The following SERPIND1 variants were observed in gnomAD, a reference collection of about 807,000 sequenced individuals.
The protein encoded by SERPIND1 is serpin family D member 1, also known as heparin cofactor 2.
SERPIND1 carries 34 observed loss-of-function variants against 35.0 expected under a neutral mutation model. That is an observed-to-expected ratio of 0.97 (90% CI 0.74 to 1.29). SERPIND1 has a LOEUF of 1.29. Among genes scored for constraint, SERPIND1 ranks in the 50% most tolerant of loss-of-function variants. The pLI is 0.00. For missense variants in SERPIND1, 633 were observed against 637.7 expected (o/e 0.99, Z 0.08); for synonymous variants, 236 against 241.1 (o/e 0.98, Z 0.19).
In SERPIND1 at chr22:20,784,142, A is replaced by T; in HGVS notation, c.1060A>T (p.Ser354Cys). The change falls in exon 3 of 5, where the codon AGC becomes TGC. Residue 354 changes from serine (S) to cysteine (C), a missense_variant. Coordinates refer to ENST00000215727, the MANE Select transcript of SERPIND1 (RefSeq NM_000185.4). ...CCAGCTGGAATACGTGGGGGGCATC[A>T]GCATGCTAATTGTGGTCCCACACAA... ...ILQLEYVGGISMLIVVPHKMS... is the reference protein window; with the variant it reads ...ILQLEYVGGICMLIVVPHKMS... 6.2e-7 allele frequency: 1 copy of T among 1,614,212 alleles called. No homozygotes were observed. The highest frequency in any genetic ancestry group is 8.5e-7 in the Non-Finnish European group (1 of 1,180,040).
intron 1 of SERPIND1, among the ~76,000 whole-genome samples, chr22:20,776,383 T>A (rs1405642574): frequency 6.6e-6 from 1 of 152,186 alleles, no homozygotes; most frequent in East Asian, 1.9e-4. Flanking sequence ...TGTAAACTAG[T>A]GGCACTGCAG....
rs1934336771 is a variant in SERPIND1 at position 20,787,401 on chromosome 22, ACT to A, written c.*338_*339del. The A allele has an allele frequency of 2.7e-6, 1 of 370,864 alleles. No homozygotes were observed. The allele number at this position is 370,864 out of a possible 1,614,324, so 23.0% of individuals were successfully genotyped here. Reference sequence around the variant, plus strand: ...CGGTGACCCCATCCTTGCACACCTGACTCTGTCACTCAAGCCTTTCTCCACCA... The same window carrying A: ...CGGTGACCCCATCCTTGCACACCTGACTGTCACTCAAGCCTTTCTCCACCA... On this transcript the variant is annotated 3_prime_UTR_variant, in exon 5 of 5. Coordinates refer to ENST00000215727, the MANE Select transcript of SERPIND1 (RefSeq NM_000185.4).
At chr22:20,775,429 C>A (rs963747418) in intron 1 of SERPIND1, among the ~76,000 whole-genome samples, 3 of 152,114 alleles carry the variant, frequency 2.0e-5, no homozygotes, top group Non-Finnish European at 4.4e-5. Flanking sequence ...ATGACGAAAA[C>A]TATTTTTGGC....
intron 3 of SERPIND1, among the ~76,000 whole-genome samples, chr22:20,784,908 T>C (rs1349469394): frequency 6.6e-6 from 1 of 152,066 alleles, no homozygotes; most frequent in Non-Finnish European, 1.5e-5. Flanking sequence ...AATACAAACA[T>C]ATGCAACCAA....
At chr22:20,783,435 TAAAA>T (rs362069) in intron 2 of SERPIND1, among the ~76,000 whole-genome samples, 19 of 136,048 alleles carry the variant, frequency 1.4e-4, no homozygotes, top group Admixed American at 2.9e-4. Context: ...CATCTACAAT[TAAAA>T]AAAAAAAAAA....
At chr22:20,784,667 T>C (rs1319652648) in intron 3 of SERPIND1, among the ~76,000 whole-genome samples, 1 of 152,188 alleles carries the variant, frequency 6.6e-6, no homozygotes, top group African/African-American at 2.4e-5. Flanking sequence ...GCTCAACTCT[T>C]CCCTGCCCAG....
Position 20,779,286 on chromosome 22 carries a change from T to G in SERPIND1, c.-16-11T>G. ...AGGCCGCCTTTCACTGTGTTCTGTT[T>G]TCCCTCCCAGCTTTAGCTCCGCCAA... On this transcript the variant is annotated splice_polypyrimidine_tract_variant and intron_variant, in intron 1 of 4. Transcript: ENST00000215727. The G allele has an allele frequency of 6.2e-7, 1 of 1,613,902 alleles. No individual in the cohort carries two copies. Among genetic ancestry groups the G allele is most frequent in the African/African-American group, 1.3e-5 (1 of 75,052 alleles).
rs1934300454 is a variant in SERPIND1 at position 20,787,035 on chromosome 22, T to C, written c.1469T>C (p.Met490Thr). The C allele has an allele frequency of 2.5e-6, 4 of 1,613,942 alleles. No homozygotes were observed. Among genetic ancestry groups the C allele is most frequent in the Non-Finnish European group, 3.4e-6 (4 of 1,179,950 alleles). Residue 490 changes from methionine to threonine, a missense_variant, in exon 5 of 5, where the codon ATG becomes ACG. Physicochemically the swap from Met to Thr is moderately conservative, Grantham distance 81 (BLOSUM62 -1). Coordinates refer to ENST00000215727, the MANE Select transcript of SERPIND1 (RefSeq NM_000185.4). The part of the protein sequence containing the change: ...YEHRTSCLLF[M>T]GRVANPSRS ...CATCGCACCAGCTGCCTGCTCTTCA[T>C]GGGAAGAGTGGCCAACCCCAGCAGG...
intron 1 of SERPIND1, among the ~76,000 whole-genome samples, chr22:20,774,446 A>AT (rs1933081543): frequency 6.6e-6 from 1 of 152,132 alleles, no homozygotes; most frequent in African/African-American, 2.4e-5. Context: ...GCTCTTGGGT[A>AT]TTTTCCCTGA....
In SERPIND1 at chr22:20,779,437, G is replaced by A; in HGVS notation, c.125G>A (p.Trp42Ter). Reference sequence around the variant, plus strand: ...ACTGCTCAGTCTGCAGATCCCCAGTGGGAGCAGTTAAATAACAAAAACCTG... The same window carrying A: ...ACTGCTCAGTCTGCAGATCCCCAGTAGGAGCAGTTAAATAACAAAAACCTG... ...GETAQSADPQWEQLNNKNLSM... is the reference protein window; with the variant it reads ...GETAQSADPQ The change falls in exon 2 of 5, where the codon TGG (tryptophan) becomes TAG (stop). Residue 42 changes from tryptophan to a stop codon, truncating the protein, a stop_gained. Transcript: ENST00000215727. LOFTEE classifies it high-confidence loss of function. 1 of 1,614,190 alleles carries A rather than the reference G, an allele frequency of 6.2e-7. No homozygotes were observed. Among genetic ancestry groups the A allele is most frequent in the Non-Finnish European group, 8.5e-7 (1 of 1,180,018 alleles).
At chr22:20,784,282 A>G in intron 3 of SERPIND1, 37 bp downstream of exon 3, 1 of 1,613,852 alleles carries the variant, frequency 6.2e-7, no homozygotes, top group Non-Finnish European at 8.5e-7. Context: ...TTGAGCTCCC[A>G]GATGCTGGGG....
intron 3 of SERPIND1, among the ~76,000 whole-genome samples, chr22:20,785,656 A>G (rs183106782): frequency 2.0e-4 from 30 of 152,360 alleles, no homozygotes; most frequent in Admixed American, 2.0e-3. Context: ...TTACAAAAAA[A>G]AAACCAAATG....
intron 1 of SERPIND1, among the ~76,000 whole-genome samples, chr22:20,777,867 G>A (rs932114805): frequency 2.0e-5 from 3 of 152,146 alleles, no homozygotes; most frequent in Non-Finnish European, 2.9e-5. Context: ...TCCTCTGAAC[G>A]AGTCAGAGGA....
rs908876576 is a variant in SERPIND1 at position 20,784,315 on chromosome 22, G to T, written c.1163+70G>T. 9 of 1,601,322 alleles carry T rather than the reference G, an allele frequency of 5.6e-6. No homozygotes were observed. The African/African-American group carries it at 1.1e-4, about 19-fold the overall frequency. ...GGGGTGTCTGGGAATACTGGAAAAT[G>T]GATCATTTTTTTAAAAAGGGAGAAT... On this transcript the variant is annotated intron_variant, in intron 3 of 4. Transcript: ENST00000215727.
intron 3 of SERPIND1, among the ~76,000 whole-genome samples, 155 bp downstream of exon 3, chr22:20,784,400 G>A (rs1466387552): frequency 6.6e-6 from 1 of 152,150 alleles, no homozygotes; most frequent in African/African-American, 2.4e-5. Flanking sequence ...GCCCCAATTT[G>A]TTGCTTGAGA....
rs145840221 is a variant in SERPIND1 at position 20,779,397 on chromosome 22, G to A, written c.85G>A (p.Glu29Lys). The A allele has an allele frequency of 1.3e-4, 205 of 1,614,236 alleles. 1 individual carries two copies. The African/African-American group carries it at 2.4e-3, about 19-fold the overall frequency. ...GAGCAAAGGCCCGCTGGATCAGCTA[G>A]AGAAAGGAGGGGAAACTGCTCAGTC... ...GGSKGPLDQL[E>K]KGGETAQSAD... The change falls in exon 2 of 5, where the codon GAG (glutamate) becomes AAG (lysine). Residue 29 changes from glutamate (E) to lysine (K), a missense_variant. By Grantham distance (56) the Glu-to-Lys change is moderately conservative. Coordinates refer to ENST00000215727, the MANE Select transcript of SERPIND1 (RefSeq NM_000185.4).
chr22:20,785,071 T>C (rs1427123794), intron 3 of SERPIND1, among the ~76,000 whole-genome samples: 4 of 150,396 alleles, frequency 2.7e-5, no homozygotes, highest in Admixed American at 2.0e-4. Flanking sequence ...CTGCATCTTT[T>C]TTTTTTTTTT....
rs774774580 is a variant in SERPIND1 at position 20,779,754 on chromosome 22, T to G, written c.442T>G (p.Phe148Val). 9 of 1,614,174 alleles carry G rather than the reference T, an allele frequency of 5.6e-6. No homozygotes were observed. The East Asian group carries it at 1.8e-4, about 32-fold the overall frequency. Reference sequence around the variant, plus strand: ...AGTGCTGAAAGACCAGGTCAACACTTTCGATAACATCTTCATAGCACCCGT... The same window carrying G: ...AGTGCTGAAAGACCAGGTCAACACTGTCGATAACATCTTCATAGCACCCGT... ...YRVLKDQVNTFDNIFIAPVGI... is the reference protein window; with the variant it reads ...YRVLKDQVNTVDNIFIAPVGI... The change falls in exon 2 of 5, where the codon TTC (phenylalanine) becomes GTC (valine). Residue 148 changes from phenylalanine to valine, a missense_variant. By Grantham distance (50) the Phe-to-Val change is conservative (BLOSUM62 -1). Coordinates refer to ENST00000215727, the MANE Select transcript of SERPIND1 (RefSeq NM_000185.4).
chr22:20,782,734 G>C lies in SERPIND1; in HGVS notation c.890-1238G>C, dbSNP rs1933894764. On this transcript the variant is annotated intron_variant, in intron 2 of 4. Coordinates refer to ENST00000215727, the MANE Select transcript of SERPIND1 (RefSeq NM_000185.4). Reference sequence around the variant, plus strand: ...AGTAAGCATTACTGGTATCTAGAAGGGGGAGGCTGGGGATGTTGCTAAACA... The same window carrying C: ...AGTAAGCATTACTGGTATCTAGAAGCGGGAGGCTGGGGATGTTGCTAAACA... Among the ~76,000 whole-genome samples, 3 of 152,270 alleles carry C rather than the reference G, an allele frequency of 2.0e-5. No individual in the cohort carries two copies. In the South Asian group the frequency reaches 6.2e-4, roughly 32 times the overall value.
Sources: gnomAD v4.1 joint callset for allele counts (sites outside exome capture counted in the v4.1 genomes callset) on GRCh38, gnomAD v4.1.1 for gene constraint, MANE v1.5 for transcripts, NCBI Gene and HGNC (gene_info 2026-07-23, HGNC 2026-07-21) for gene names.